EIF2AK1: variants seen among roughly 807,000 people sequenced by gnomAD.
The protein encoded by EIF2AK1 is eukaryotic translation initiation factor 2 alpha kinase 1, also known as eukaryotic translation initiation factor 2-alpha kinase 1.
In EIF2AK1, 54 loss-of-function variants were observed where a neutral mutation model predicts 77.9. That is an observed-to-expected ratio of 0.69 (90% CI 0.56 to 0.87). EIF2AK1 has a LOEUF of 0.87. Among genes scored for constraint, EIF2AK1 ranks in the 40% least tolerant of loss-of-function variants. The pLI is 0.00. For synonymous variants in EIF2AK1, 314 were observed against 290.5 expected, an observed-to-expected ratio of 1.08 and a Z score of -0.82; for missense variants, 810 against 768.6, an observed-to-expected ratio of 1.05 and a Z score of -0.64.
At chr7:6,043,216 T>C (rs1039002294) in intron 7 of EIF2AK1, among the ~76,000 whole-genome samples, 4 of 152,070 alleles carry the variant, frequency 2.6e-5, no homozygotes, top group South Asian at 2.1e-4. Context: ...CACAGAGGAC[T>C]TGACAGTAAA....
intron 11 of EIF2AK1, among the ~76,000 whole-genome samples, chr7:6,029,381 T>A (rs1787836004): frequency 6.6e-6 from 1 of 151,726 alleles, no homozygotes; most frequent in Non-Finnish European, 1.5e-5. Context: ...TAATCCCTGC[T>A]ACTAGGGAGA....
Position 6,035,715 on chromosome 7 carries a change from G to A in EIF2AK1, c.1332+1709C>T, listed in dbSNP as rs535921779. 235 of 1,550,870 alleles carry A rather than the reference G, an allele frequency of 1.5e-4. No homozygotes were observed. Among genetic ancestry groups the A allele is most frequent in the Non-Finnish European group, 4.0e-5 (46 of 1,147,090 alleles). On this transcript the variant is annotated intron_variant, in intron 11 of 14. Transcript: ENST00000199389. The surrounding 1 kb of genome is among the most constrained non-coding windows in gnomAD (Gnocchi z 5.5). The stretch of plus-strand genomic sequence containing the variant: ...GACCCAAAATGGTGCCGATGTCAAT[G>A]CTATTAATGAAGCCAGCATGACACC...
chr7:6,030,013 T>C (rs1296330346), intron 11 of EIF2AK1, among the ~76,000 whole-genome samples: 1 of 152,092 alleles, frequency 6.6e-6, no homozygotes, highest in East Asian at 1.9e-4. Flanking sequence ...GACTGTCCTG[T>C]CGAGTCCAGA....
rs772879801 is a variant in EIF2AK1 at position 6,049,969 on chromosome 7, T to G, written c.354A>C (p.Leu118=). The G allele has an allele frequency of 1.9e-6, 3 of 1,613,296 alleles. No individual in the cohort carries two copies. The highest frequency in any genetic ancestry group is 2.5e-6 in the Non-Finnish European group (3 of 1,179,584). Reference sequence around the variant, plus strand: ...AGTGAGTAATAGCTCTGTTGTGATGTAGTCTCAATGAGCTAAACTCGTCAC... The same window carrying G: ...AGTGAGTAATAGCTCTGTTGTGATGGAGTCTCAATGAGCTAAACTCGTCAC... ...TCSDEFSSLR[L]HHNRAITHLM... Residue 118 remains leucine, a synonymous_variant, in exon 3 of 15, where the codon CTA becomes CTC. Coordinates refer to ENST00000199389, the MANE Select transcript of EIF2AK1 (RefSeq NM_014413.4).
intron 1 of EIF2AK1, among the ~76,000 whole-genome samples, chr7:6,056,613 A>AAAAAAAAAAAAAAATATATATATATATAT: frequency 2.3e-5 from 1 of 43,728 alleles, no homozygotes; most frequent in African/African-American, 8.2e-5. Context: ...AAAAAAAAAA[A>AAAAAAAAAAAAAAATATATATATATATAT]ATATATATAT....
At chr7:6,045,204 C>G (rs965279362) in intron 6 of EIF2AK1, among the ~76,000 whole-genome samples, 1 of 151,226 alleles carries the variant, frequency 6.6e-6, no homozygotes, top group African/African-American at 2.4e-5. Flanking sequence ...TTGCTGGGTT[C>G]AAGTCATTCC....
intron 11 of EIF2AK1, among the ~76,000 whole-genome samples, chr7:6,029,448 G>T (rs1787837519): frequency 6.6e-6 from 1 of 151,794 alleles, no homozygotes; most frequent in Admixed American, 6.6e-5. Context: ...AACCAAGATT[G>T]TGGCATTGCA....
intron 10 of EIF2AK1, 59 bp downstream of exon 10, chr7:6,038,501 A>C (rs1562748596): frequency 1.6e-6 from 2 of 1,290,266 alleles, no homozygotes; most frequent in East Asian, 2.5e-5. Context: ...CTCCTACATG[A>C]GATGGGGAAG....
At position 6,022,813 on chromosome 7, in the gene EIF2AK1, C is replaced by A. The variant is rs188525193; in HGVS notation, c.*1860G>T. 178 of 154,690 alleles carry A rather than the reference C, an allele frequency of 1.2e-3. 1 individual carries two copies. The highest frequency in any genetic ancestry group is 1.3e-3 in the East Asian group (7 of 5,206). 9.6% of individuals were successfully genotyped at this position (154,690 alleles called of 1,614,324 possible). ...ATCATAGGGACACTGAAGTTATCTTCTCATATGGCCATATAAAGATAGGAT... is the reference window on the plus strand; with the variant it reads ...ATCATAGGGACACTGAAGTTATCTTATCATATGGCCATATAAAGATAGGAT... On this transcript the variant is annotated 3_prime_UTR_variant, in exon 15 of 15. Coordinates refer to ENST00000199389, the MANE Select transcript of EIF2AK1 (RefSeq NM_014413.4).
chr7:6,033,646 A>G lies in EIF2AK1; in HGVS notation c.1332+3778T>C, dbSNP rs973013764. On this transcript the variant is annotated intron_variant, in intron 11 of 14. Transcript: ENST00000199389. The surrounding 1 kb of genome is among the most constrained non-coding windows in gnomAD (Gnocchi z 4.4). ...CGCTCTGTCGCCCAGGCTGGAGTGC[A>G]GTGGCACCATTCTCCTGGGTTCACG... 7.3e-5 allele frequency among the ~76,000 whole-genome samples: 11 copies of G among 151,246 alleles called. No individual in the cohort carries two copies. Among genetic ancestry groups the G allele is most frequent in the Non-Finnish European group, 1.3e-4 (9 of 67,476 alleles).
At position 6,023,285 on chromosome 7, in the gene EIF2AK1, C is replaced by T. The variant is rs758529606; in HGVS notation, c.*1388G>A. ...GGGCTGCTCTGGTGATGCTACCTGG[C>T]GTGTTTTTTCTTTTCAGTGCCGAAG... On this transcript the variant is annotated 3_prime_UTR_variant, in exon 15 of 15. Coordinates refer to ENST00000199389, the MANE Select transcript of EIF2AK1 (RefSeq NM_014413.4). The T allele has an allele frequency of 1.1e-5, 18 of 1,571,352 alleles. No homozygotes were observed. Among genetic ancestry groups the T allele is most frequent in the Admixed American group, 1.1e-4 (6 of 55,112 alleles).
rs1395602567 is a variant in EIF2AK1, at chr7:6,057,229, C to A, written c.118+1737G>T. On this transcript the variant is annotated intron_variant, in intron 1 of 14. Transcript: ENST00000199389. Reference sequence around the variant, plus strand: ...CTCACTGCAACCTCTGCCTCCCGGACGACCCCATCTCTTTAAGAAAAAAAA... The same window carrying A: ...CTCACTGCAACCTCTGCCTCCCGGAAGACCCCATCTCTTTAAGAAAAAAAA... Among the ~76,000 whole-genome samples, 2 of 146,298 alleles carry A rather than the reference C, an allele frequency of 1.4e-5. 1 individual carries two copies. Among genetic ancestry groups the A allele is most frequent in the East Asian group, 4.0e-4 (2 of 4,998 alleles).
At position 6,024,311 on chromosome 7, in the gene EIF2AK1, G is replaced by T; in HGVS notation, c.*362C>A. 1 of 1,218,774 alleles carries T rather than the reference G, an allele frequency of 8.2e-7. No homozygotes were observed. Among genetic ancestry groups the T allele is most frequent in the Non-Finnish European group, 1.0e-6 (1 of 962,986 alleles). 75.5% of individuals were successfully genotyped at this position (1,218,774 alleles called of 1,614,324 possible). A position where few individuals can be genotyped will look rare whatever the true frequency, so the allele number is the denominator to read the frequency against. ...CAGCTGTCAAAACTGGAACAGTCCA[G>T]TGAGTATGTGCAGGCCCGGGCTTGG... On this transcript the variant is annotated 3_prime_UTR_variant, in exon 15 of 15. Coordinates refer to ENST00000199389, the MANE Select transcript of EIF2AK1 (RefSeq NM_014413.4).
At chr7:6,058,129 G>A (rs1788842190) in intron 1 of EIF2AK1, 2 of 455,546 alleles carry the variant, frequency 4.4e-6, no homozygotes, top group Non-Finnish European at 8.8e-6. Flanking sequence ...AAACTTGGGG[G>A]CTGAGAGTGG....
At chr7:6,025,882 C>T (rs1486468045) in intron 14 of EIF2AK1, among the ~76,000 whole-genome samples, 12 of 152,080 alleles carry the variant, frequency 7.9e-5, no homozygotes, top group Non-Finnish European at 1.6e-4. Context: ...ATCCTCCCAC[C>T]TCTGCCTCCC....
Position 6,023,951 on chromosome 7 carries a change from T to G in EIF2AK1, c.*722A>C. On this transcript the variant is annotated 3_prime_UTR_variant, in exon 15 of 15. Transcript: ENST00000199389. ...AACCAATTCATCAGATCGCTGCCTC[T>G]GAGGGATGTACAGATTGGCTGGGGA... 1 of 1,414,730 alleles carries G rather than the reference T, an allele frequency of 7.1e-7. No individual in the cohort carries two copies. The highest frequency in any genetic ancestry group is 9.3e-7 in the Non-Finnish European group (1 of 1,070,994). The allele number at this position is 1,414,730 out of a possible 1,614,324, so 87.6% of individuals were successfully genotyped here. A position where few individuals can be genotyped will look rare whatever the true frequency, so the allele number is the denominator to read the frequency against.
chr7:6,030,158 A>G (rs1205543352), intron 11 of EIF2AK1, among the ~76,000 whole-genome samples: 1 of 152,200 alleles, frequency 6.6e-6, no homozygotes, highest in Non-Finnish European at 1.5e-5. Context: ...ATAAGTGAAC[A>G]GGATGTAGAG....
Position 6,038,549 on chromosome 7 carries a change from A to G in EIF2AK1, c.1231+11T>C. 2 of 1,604,384 alleles carry G rather than the reference A, an allele frequency of 1.2e-6. No individual in the cohort carries two copies. The highest frequency in any genetic ancestry group is 1.7e-6 in the Non-Finnish European group (2 of 1,174,454). ...CTATTTCCCGGCCCGGCAGACCCAG[A>G]TGGTACTCACAGGCAGACTCGTCCA... On this transcript the variant is annotated intron_variant, in intron 10 of 14. Transcript: ENST00000199389.
chr7:6,046,185 G>C, intron 5 of EIF2AK1, 34 bp from the exon 6 acceptor site: 1 of 1,241,792 alleles, frequency 8.1e-7, no homozygotes, highest in South Asian at 1.5e-5. Context: ...AGTATATTGT[G>C]TCATTAAACT....
Sources: allele counts gnomAD v4.1 joint callset (sites outside exome capture counted in the v4.1 genomes callset), GRCh38; gene constraint gnomAD v4.1.1; non-coding constraint Gnocchi (gnomAD v3.1); transcripts MANE v1.5; gene names NCBI Gene and HGNC (gene_info 2026-07-23, HGNC 2026-07-21).